ARMC8: variants seen among roughly 807,000 people sequenced by gnomAD.
ARMC8 encodes armadillo repeat-containing protein 8.
In ARMC8, 20 loss-of-function variants were observed where a neutral mutation model predicts 99.3. The ratio of observed to expected loss-of-function variants is 0.20; its 90% CI spans 0.14 to 0.29. ARMC8 has a LOEUF of 0.29. Ranked by LOEUF, ARMC8 falls within the 10% of genes least tolerant of loss-of-function variation. The pLI is 1.00. For missense variants in ARMC8, 569 were observed against 809.5 expected, an observed-to-expected ratio of 0.70 and a Z score of 3.60; for synonymous variants, 263 against 278.3, an observed-to-expected ratio of 0.95 and a Z score of 0.55.
chr3:138,241,640 T>C (rs1253226564), intron 10 of ARMC8, 143 bp from the exon 11 acceptor site: 1 of 731,656 alleles, frequency 1.4e-6, no homozygotes, highest in Non-Finnish European at 2.2e-6. Context: ...TTTAAAAAAA[T>C]CTTTTATTCT....
intron 19 of ARMC8, 137 bp from the exon 20 acceptor site, chr3:138,288,911 A>G: frequency 1.6e-6 from 1 of 639,444 alleles, no homozygotes; most frequent in Non-Finnish European, 2.8e-6. Flanking sequence ...TGCTGGGATT[A>G]CAGGCATGAG....
At chr3:138,227,436 G>A (rs1042282172) in intron 5 of ARMC8, among the ~76,000 whole-genome samples, 3 of 152,084 alleles carry the variant, frequency 2.0e-5, no homozygotes, top group Admixed American at 6.5e-5. Flanking sequence ...CCCCTTCCCC[G>A]ACTTGACATT....
At chr3:138,268,553 A>AT (rs1192943738) in intron 15 of ARMC8, among the ~76,000 whole-genome samples, 1 of 152,252 alleles carries the variant, frequency 6.6e-6, no homozygotes, top group Non-Finnish European at 1.5e-5. Context: ...CACTAATACG[A>AT]TTTTTTTATA....
intron 16 of ARMC8, 50 bp from the exon 17 acceptor site, chr3:138,272,907 AAATATAATTT>A (rs1262771727): frequency 1.5e-6 from 2 of 1,311,322 alleles, no homozygotes; most frequent in African/African-American, 3.0e-5. Flanking sequence ...GTTACTATTA[AAATATAATTT>A]AATAAAGTAA....
chr3:138,237,707 C>T (rs2046403140), intron 9 of ARMC8, 135 bp downstream of exon 9: 3 of 667,890 alleles, frequency 4.5e-6, no homozygotes, highest in Non-Finnish European at 7.4e-6. Context: ...AGGAGTCCAT[C>T]CCACATTTTC....
intron 2 of ARMC8, among the ~76,000 whole-genome samples, chr3:138,215,700 A>G (rs2044986801): frequency 6.6e-6 from 1 of 152,158 alleles, no homozygotes; most frequent in Admixed American, 6.5e-5. Flanking sequence ...GTAATCATAC[A>G]TTGATAAAAC....
At chr3:138,221,038 G>A (rs1174252622) in intron 2 of ARMC8, among the ~76,000 whole-genome samples, 1 of 151,908 alleles carries the variant, frequency 6.6e-6, no homozygotes, top group African/African-American at 2.4e-5. Flanking sequence ...TTTATTTTGA[G>A]CTATTTATTT....
At position 138,296,347 on chromosome 3, in the gene ARMC8, T is replaced by C. The variant is rs12972; in HGVS notation, c.*455T>C. The C allele has an allele frequency of 0.09, 13,767 of 153,072 alleles. 655 individuals carry two copies. Among genetic ancestry groups the C allele is most frequent in the South Asian group, 0.2 (950 of 4,842 alleles). 9.5% of individuals were successfully genotyped at this position (153,072 alleles called of 1,614,324 possible). A position where few individuals can be genotyped will look rare whatever the true frequency, so the allele number is the denominator to read the frequency against. On this transcript the variant is annotated 3_prime_UTR_variant, in exon 22 of 22. Transcript: ENST00000469044. Reference sequence around the variant, plus strand: ...TGTGAAAATCTCTTTTCTACAGATTTTCCAGGGTTTAAGCATTGCTTGCTG... The same window carrying C: ...TGTGAAAATCTCTTTTCTACAGATTCTCCAGGGTTTAAGCATTGCTTGCTG...
intron 12 of ARMC8, chr3:138,246,748 G>T: frequency 2.0e-6 from 2 of 985,434 alleles, no homozygotes; most frequent in Non-Finnish European, 2.4e-6. Context: ...TCATGTTCTA[G>T]AAATACCTGC....
At chr3:138,271,283 T>G (rs151230371) in intron 16 of ARMC8, among the ~76,000 whole-genome samples, 119 of 152,324 alleles carry the variant, frequency 7.8e-4, no homozygotes, top group African/African-American at 2.7e-3. Flanking sequence ...CTACCTAGCT[T>G]CCTTTTCAAC....
intron 18 of ARMC8, among the ~76,000 whole-genome samples, chr3:138,277,442 T>C (rs1366905676): frequency 6.6e-6 from 1 of 152,236 alleles, no homozygotes; most frequent in Non-Finnish European, 1.5e-5. Context: ...TGAAATGCAC[T>C]GTTAAGAGAC....
At chr3:138,192,430 A>T (rs573009791) in intron 1 of ARMC8, among the ~76,000 whole-genome samples, 10 of 151,922 alleles carry the variant, frequency 6.6e-5, no homozygotes, top group Non-Finnish European at 1.3e-4. Context: ...GGTGCCCGCC[A>T]CCACACCTGG....
chr3:138,212,107 A>AT (rs1354956031), intron 2 of ARMC8, among the ~76,000 whole-genome samples: 1 of 151,174 alleles, frequency 6.6e-6, no homozygotes, highest in Non-Finnish European at 1.5e-5. Context: ...ATCACCCAAC[A>AT]TTTTTTTTTC....
chr3:138,295,927 C>T lies in ARMC8; in HGVS notation c.*35C>T. On this transcript the variant is annotated 3_prime_UTR_variant, in exon 22 of 22. Transcript: ENST00000469044. Reference sequence around the variant, plus strand: ...CCCTGGGCACCTGCGAGCATCCCACCTCCTTGTTTAAGGAAGTACAGGAAC... The same window carrying T: ...CCCTGGGCACCTGCGAGCATCCCACTTCCTTGTTTAAGGAAGTACAGGAAC... The T allele has an allele frequency of 6.2e-7, 1 of 1,608,438 alleles. No homozygotes were observed. The highest frequency in any genetic ancestry group is 8.5e-7 in the Non-Finnish European group (1 of 1,176,072).
intron 2 of ARMC8, among the ~76,000 whole-genome samples, chr3:138,217,215 CGTT>C (rs1302223406): frequency 1.3e-5 from 2 of 152,078 alleles, no homozygotes; most frequent in African/African-American, 4.8e-5. Flanking sequence ...GTGTCCTCGT[CGTT>C]AAGCGAAGCA....
intron 1 of ARMC8, 118 bp from the exon 2 acceptor site, chr3:138,209,699 T>C: frequency 1.3e-6 from 1 of 797,056 alleles, no homozygotes; most frequent in Non-Finnish European, 2.1e-6. Flanking sequence ...GTATTTCATA[T>C]AAATTTTAAT....
intron 12 of ARMC8, chr3:138,246,739 C>A: frequency 1.0e-6 from 1 of 985,352 alleles, no homozygotes; most frequent in Non-Finnish European, 1.2e-6. Context: ...TTTGTGATAT[C>A]ATGTTCTAGA....
intron 1 of ARMC8, chr3:138,188,226 G>A (rs2043184535): frequency 2.3e-6 from 1 of 443,830 alleles, no homozygotes; most frequent in African/African-American, 2.0e-5. Flanking sequence ...CAGAGGTCGC[G>A]GCTCTGAGTC....
rs995775346 is a variant in ARMC8 at position 138,257,387 on chromosome 3, T to C, written c.1135-6352T>C. On this transcript the variant is annotated intron_variant, in intron 12 of 21. Transcript: ENST00000469044. Reference sequence around the variant, plus strand: ...CATTTCCATGATGTATATGGCATCATGTCTTTAAGTATCCTGTGGTCGTCT... The same window carrying C: ...CATTTCCATGATGTATATGGCATCACGTCTTTAAGTATCCTGTGGTCGTCT... Among the ~76,000 whole-genome samples, 7 of 152,340 alleles carry C rather than the reference T, an allele frequency of 4.6e-5. No homozygotes were observed. The South Asian group carries it at 8.3e-4, about 18-fold the overall frequency.
Sources: gnomAD v4.1 joint callset for allele counts (sites outside exome capture counted in the v4.1 genomes callset) on GRCh38, gnomAD v4.1.1 for gene constraint, MANE v1.5 for transcripts, NCBI Gene and HGNC (gene_info 2026-07-23, HGNC 2026-07-21) for gene names.